Variants in CNNM2 observed in about 807,000 individuals in gnomAD.
CNNM2 encodes the protein metal transporter CNNM2.
CNNM2 carries 12 observed loss-of-function variants against 66.9 expected under a neutral mutation model. That is an observed-to-expected ratio of 0.18 (90% CI 0.11 to 0.29). The LOEUF (loss-of-function observed/expected upper bound fraction) is 0.29, where lower values mean the gene tolerates loss of function less well. Among genes scored for constraint, CNNM2 ranks in the 10% least tolerant of loss-of-function variants. The pLI is 1.00. For synonymous variants in CNNM2, 557 were observed against 501.8 expected (o/e 1.11, Z -1.47); for missense variants, 705 against 1,167.7 (o/e 0.60, Z 5.77).
intron 1 of CNNM2, among the ~76,000 whole-genome samples, chr10:102,944,124 C>G (rs1179417286): frequency 6.8e-6 from 1 of 147,900 alleles, no homozygotes; most frequent in Non-Finnish European, 1.5e-5. Context: ...TGCTTTGTCG[C>G]CCAGGCAAGA....
chr10:102,996,528 G>C lies in CNNM2; in HGVS notation c.1622-53179G>C, dbSNP rs1164714106. On this transcript the variant is annotated intron_variant, in intron 1 of 7. Transcript: ENST00000369878. ...AAGACCAGCCTGGGCAACATAGGGA[G>C]ACCTTGTCTCTACAAATAATTTAAA... 2.0e-5 allele frequency among the ~76,000 whole-genome samples: 3 copies of C among 152,148 alleles called. No individual in the cohort carries two copies. In the East Asian group the frequency reaches 5.8e-4, roughly 29 times the overall value.
At chr10:103,067,033 G>A (rs1252782901) in intron 4 of CNNM2, among the ~76,000 whole-genome samples, 1 of 152,058 alleles carries the variant, frequency 6.6e-6, no homozygotes, top group Non-Finnish European at 1.5e-5. Context: ...TATGGCCCAA[G>A]AAAGACCTTT....
chr10:103,045,919 A>G (rs1010310872), intron 1 of CNNM2, among the ~76,000 whole-genome samples: 1 of 152,224 alleles, frequency 6.6e-6, no homozygotes, highest in Non-Finnish European at 1.5e-5. Flanking sequence ...TGCTGGGATT[A>G]CAGGCGTGAG....
chr10:102,940,160 G>A (rs1846378034), intron 1 of CNNM2, among the ~76,000 whole-genome samples: 1 of 151,678 alleles, frequency 6.6e-6, no homozygotes, highest in Non-Finnish European at 1.5e-5. Context: ...TACCATGTTG[G>A]CCAGGCTGGT....
chr10:102,969,633 T>C (rs796380580), intron 1 of CNNM2, among the ~76,000 whole-genome samples: 11 of 152,164 alleles, frequency 7.2e-5, no homozygotes, highest in South Asian at 6.2e-4. Context: ...CAATTGGTGT[T>C]GTGGTTCACT....
chr10:103,086,638 T>C lies in CNNM2; in HGVS notation c.*9458T>C, dbSNP rs188225053. On this transcript the variant is annotated 3_prime_UTR_variant, in exon 8 of 8. Coordinates refer to ENST00000369878, the MANE Select transcript of CNNM2 (RefSeq NM_017649.5). Reference sequence around the variant, plus strand: ...CTTCTAAATCTGACATGCAACTGCATGTGGCTTTTTAAAGTGGTTTCTTAA... The same window carrying C: ...CTTCTAAATCTGACATGCAACTGCACGTGGCTTTTTAAAGTGGTTTCTTAA... 1.6e-4 allele frequency: 24 copies of C among 152,344 alleles called. No homozygotes were observed. The highest frequency in any genetic ancestry group is 2.9e-4 in the Non-Finnish European group (20 of 68,030). The allele number at this position is 152,344 out of a possible 1,614,324, so 9.4% of individuals were successfully genotyped here.
Position 103,071,857 on chromosome 10 carries a change from C to G in CNNM2, c.2233+18C>G. The G allele has an allele frequency of 6.2e-7, 1 of 1,611,406 alleles. No individual in the cohort carries two copies. Among genetic ancestry groups the G allele is most frequent in the South Asian group, 1.1e-5 (1 of 91,020 alleles). The stretch of plus-strand genomic sequence containing the variant: ...TTCTCCAGGTAATTCTGCATGCTTC[C>G]TTTCCGTAATTCTCCTGATTGCCTT... On this transcript the variant is annotated intron_variant, in intron 6 of 7. Transcript: ENST00000369878.
rs558663513 is a variant in CNNM2, at chr10:102,998,786, C to G, written c.1622-50921C>G. Among the ~76,000 whole-genome samples, 197 of 152,276 alleles carry G rather than the reference C, an allele frequency of 1.3e-3. 3 individuals carry two copies. In the Middle Eastern group the frequency reaches 0.051, roughly 39 times the overall value. ...TGAGAACCAGGAGTTTGAGACCACTCTGGCCAACATGGTGAAACCCTGTCT... is the reference window on the plus strand; with the variant it reads ...TGAGAACCAGGAGTTTGAGACCACTGTGGCCAACATGGTGAAACCCTGTCT... On this transcript the variant is annotated intron_variant, in intron 1 of 7. Transcript: ENST00000369878.
chr10:102,929,251 T>C (rs942413913), intron 1 of CNNM2, among the ~76,000 whole-genome samples: 10 of 152,022 alleles, frequency 6.6e-5, no homozygotes, highest in Non-Finnish European at 1.2e-4. Flanking sequence ...AGAGCGAGAC[T>C]CTGTCTCAAA....
chr10:103,016,978 CT>C (rs74439005), intron 1 of CNNM2, among the ~76,000 whole-genome samples: 367 of 141,950 alleles, frequency 2.6e-3, no homozygotes, highest in Middle Eastern at 7.1e-3. Context: ...GTTTTGTTTC[CT>C]TTTTTTTTTT....
rs2065769408 is a variant in CNNM2 at position 103,082,754 on chromosome 10, G to A, written c.*5574G>A. 6.6e-6 allele frequency: 1 copy of A among 151,656 alleles called. No homozygotes were observed. The highest frequency in any genetic ancestry group is 1.5e-5 in the Non-Finnish European group (1 of 67,894). The allele number at this position is 151,656 out of a possible 1,614,324, so 9.4% of individuals were successfully genotyped here. ...GGCCCACCTGTATTCCTTATGACCA[G>A]TGTTTTGGATGAGGATGGAGGCAGG... On this transcript the variant is annotated 3_prime_UTR_variant, in exon 8 of 8. Coordinates refer to ENST00000369878, the MANE Select transcript of CNNM2 (RefSeq NM_017649.5).
At chr10:103,063,231 G>A (rs1278331762) in intron 4 of CNNM2, among the ~76,000 whole-genome samples, 1 of 152,218 alleles carries the variant, frequency 6.6e-6, no homozygotes, top group African/African-American at 2.4e-5. Context: ...AGCATTGCTA[G>A]AGAGTGTCGG....
At chr10:102,940,450 A>G (rs1457355635) in intron 1 of CNNM2, among the ~76,000 whole-genome samples, 2 of 151,388 alleles carry the variant, frequency 1.3e-5, no homozygotes, top group Non-Finnish European at 2.9e-5. Flanking sequence ...ATGGAGTCTC[A>G]CTCTGTCACC....
intron 1 of CNNM2, among the ~76,000 whole-genome samples, chr10:102,962,645 C>G (rs758772822): frequency 6.6e-6 from 1 of 151,212 alleles, no homozygotes; most frequent in East Asian, 1.9e-4. Flanking sequence ...ATAATGCTTT[C>G]AAAGCATAAT....
chr10:102,936,597 A>G (rs1007728393), intron 1 of CNNM2, among the ~76,000 whole-genome samples: 2 of 151,572 alleles, frequency 1.3e-5, no homozygotes, highest in African/African-American at 4.9e-5. Flanking sequence ...AAACAAGTCA[A>G]TTGGCTAAAA....
chr10:103,006,048 T>G (rs2064219812), intron 1 of CNNM2, among the ~76,000 whole-genome samples: 1 of 152,228 alleles, frequency 6.6e-6, no homozygotes, highest in Non-Finnish European at 1.5e-5. Flanking sequence ...TTAATATATT[T>G]CCTTTCCGAG....
chr10:103,060,937 A>G (rs1564866158), intron 4 of CNNM2, among the ~76,000 whole-genome samples: 1 of 152,244 alleles, frequency 6.6e-6, no homozygotes, highest in Non-Finnish European at 1.5e-5. Context: ...TAAAATATAT[A>G]TAGTATTACC....
chr10:103,016,268 C>T (rs558138537), intron 1 of CNNM2, among the ~76,000 whole-genome samples: 332 of 152,152 alleles, frequency 2.2e-3, no homozygotes, highest in African/African-American at 6.8e-3. Flanking sequence ...ATTACTGATA[C>T]GGTTCTCTAG....
chr10:103,022,942 G>T (rs1336133234), intron 1 of CNNM2, among the ~76,000 whole-genome samples: 1 of 151,936 alleles, frequency 6.6e-6, no homozygotes. Flanking sequence ...TACTGTGGTT[G>T]CCCAGGCTGG....
Sources: gnomAD v4.1 joint callset for allele counts (sites outside exome capture counted in the v4.1 genomes callset) on GRCh38, gnomAD v4.1.1 for gene constraint, MANE v1.5 for transcripts, NCBI Gene and HGNC (gene_info 2026-07-23, HGNC 2026-07-21) for gene names.